Variants in FGGY observed in about 807,000 individuals in gnomAD.
FGGY encodes FGGY carbohydrate kinase domain-containing protein.
FGGY carries 72 observed loss-of-function variants against 71.3 expected under a neutral mutation model. The observed-to-expected ratio is 1.01, with a 90% CI of 0.84 to 1.23. FGGY has a LOEUF of 1.23. Ranked by LOEUF, FGGY falls within the 50% of genes most tolerant of loss-of-function variation. The pLI, the probability that FGGY is intolerant of heterozygous loss-of-function variation, is 0.00. For synonymous variants in FGGY, 251 were observed against 250.3 expected, an observed-to-expected ratio of 1.00 and a Z score of -0.02; for missense variants, 668 against 682.3, an observed-to-expected ratio of 0.98 and a Z score of 0.23.
intron 5 of FGGY, among the ~76,000 whole-genome samples, chr1:59,387,833 A>C (rs1328859580): frequency 1.3e-5 from 2 of 152,172 alleles, no homozygotes; most frequent in Non-Finnish European, 2.9e-5. Flanking sequence ...CAATACTAAC[A>C]ACATTTTCCT....
At chr1:59,304,557 G>A (rs930688558) in intron 1 of FGGY, among the ~76,000 whole-genome samples, 11 of 150,088 alleles carry the variant, frequency 7.3e-5, no homozygotes, top group African/African-American at 2.7e-4. Flanking sequence ...GGAGTTTTTT[G>A]TGGTTCCATA....
Position 59,379,275 on chromosome 1 carries a change from A to C in FGGY, c.554+438A>C, listed in dbSNP as rs74087405. On this transcript the variant is annotated intron_variant, in intron 5 of 15. Coordinates refer to ENST00000303721, the MANE Select transcript of FGGY (RefSeq NM_018291.5). ...TTCATTATTGTTGCAAACATCATAG[A>C]GTATACTTTCACAAATCTAGATAGT... 9.7e-3 allele frequency among the ~76,000 whole-genome samples: 1,483 copies of C among 152,148 alleles called. 24 individuals carry two copies. The highest frequency in any genetic ancestry group is 0.033 in the African/African-American group (1,380 of 41,512).
intron 2 of FGGY, among the ~76,000 whole-genome samples, chr1:59,326,235 A>G (rs914083972): frequency 6.6e-6 from 1 of 152,222 alleles, no homozygotes; most frequent in African/African-American, 2.4e-5. Flanking sequence ...AGACGTATAC[A>G]AGAAGTCTGC....
chr1:59,698,758 C>T lies in FGGY; in HGVS notation c.1512+24625C>T, dbSNP rs113237838. The T allele has an allele frequency of 4.6e-5, 45 of 985,358 alleles. 1 individual carries two copies. In the African/African-American group the frequency reaches 7.1e-4, roughly 16 times the overall value. The allele number at this position is 985,358 out of a possible 1,614,324, so 61.0% of individuals were successfully genotyped here. On this transcript the variant is annotated intron_variant, in intron 14 of 15. Transcript: ENST00000303721. ...GTTCGTTTTCCATTTCATCTTTCTG[C>T]TTAAAGAGAAAGCCCTTTAAAAGCG...
In FGGY at chr1:59,340,050, A is replaced by G. The variant is rs2050349902; in HGVS notation, c.294A>G (p.Pro98=). The part of the protein sequence containing the change: ...SLVVLDKQFH[P]LPVNQEGDSH... ...TTGTTTTGGATAAGCAGTTTCACCC[A>G]TTACCAGTCAACCAGGAAGGTAAGA... The change falls in exon 3 of 16, where the codon CCA becomes CCG. Residue 98 remains proline (P), a synonymous_variant. Coordinates refer to ENST00000303721, the MANE Select transcript of FGGY (RefSeq NM_018291.5). The G allele has an allele frequency of 6.2e-7, 1 of 1,612,188 alleles. No homozygotes were observed. The highest frequency in any genetic ancestry group is 2.2e-5 in the East Asian group (1 of 44,856).
intron 12 of FGGY, among the ~76,000 whole-genome samples, chr1:59,662,319 CAAAA>C (rs372754171): frequency 9.9e-6 from 1 of 101,110 alleles, no homozygotes. Flanking sequence ...GACTCCATCT[CAAAA>C]AAAAAAAAAA....
chr1:59,377,944 C>T (rs746549090), intron 4 of FGGY, among the ~76,000 whole-genome samples: 1 of 152,154 alleles, frequency 6.6e-6, no homozygotes, highest in African/African-American at 2.4e-5. Flanking sequence ...TTGACTTAGA[C>T]TGGAAGTTCT....
chr1:59,358,802 C>T (rs565035027), intron 4 of FGGY, among the ~76,000 whole-genome samples: 6 of 152,196 alleles, frequency 3.9e-5, no homozygotes, highest in Non-Finnish European at 8.8e-5. Context: ...TGGCCAACAC[C>T]TGTACTAGAC....
At chr1:59,332,526 A>G (rs142343939) in intron 2 of FGGY, among the ~76,000 whole-genome samples, 90 of 152,300 alleles carry the variant, frequency 5.9e-4, no homozygotes, top group African/African-American at 2.2e-3. Context: ...GTGGATGAGC[A>G]TGATCATAAG....
intron 6 of FGGY, among the ~76,000 whole-genome samples, chr1:59,462,452 A>G (rs2092311668): frequency 6.6e-6 from 1 of 152,178 alleles, no homozygotes; most frequent in South Asian, 2.1e-4. Context: ...GCCAAAATTG[A>G]CAAATGGGAT....
intron 8 of FGGY, among the ~76,000 whole-genome samples, chr1:59,559,185 TAAG>T: frequency 6.6e-6 from 1 of 152,350 alleles, no homozygotes; most frequent in Non-Finnish European, 1.5e-5. Context: ...AAGACAGGCA[TAAG>T]AAATTATTAA....
At chr1:59,442,324 T>G (rs2070121885) in intron 5 of FGGY, among the ~76,000 whole-genome samples, 1 of 152,244 alleles carries the variant, frequency 6.6e-6, no homozygotes, top group African/African-American at 2.4e-5. Flanking sequence ...TGTATCCTCC[T>G]TCTGAAGAGC....
At chr1:59,676,948 CTGTTT>C (rs2097441689) in intron 14 of FGGY, among the ~76,000 whole-genome samples, 1 of 152,058 alleles carries the variant, frequency 6.6e-6, no homozygotes, top group African/African-American at 2.4e-5. Context: ...TTTTATTTGT[CTGTTT>C]TATGTATTTT....
At chr1:59,752,382 T>A (rs1289394592) in intron 14 of FGGY, among the ~76,000 whole-genome samples, 5 of 152,220 alleles carry the variant, frequency 3.3e-5, no homozygotes, top group Non-Finnish European at 7.3e-5. Flanking sequence ...CACACTAAGT[T>A]CTGCTATATT....
rs1228981330 is a variant in FGGY, at chr1:59,371,101, CACAG to C, written c.466-7645_466-7642del. Among the ~76,000 whole-genome samples, 5 of 152,226 alleles carry C rather than the reference CACAG, an allele frequency of 3.3e-5. No individual in the cohort carries two copies. In the South Asian group the frequency reaches 8.3e-4, roughly 25 times the overall value. On this transcript the variant is annotated intron_variant, in intron 4 of 15. Coordinates refer to ENST00000303721, the MANE Select transcript of FGGY (RefSeq NM_018291.5). ...TGGACTAAGTGCTCCAATTAAAAGA[CACAG>C]ACTGGCAAGTTGGATAAAGAGTCAA...
intron 6 of FGGY, among the ~76,000 whole-genome samples, chr1:59,484,575 G>A (rs769353954): frequency 7.2e-5 from 11 of 152,218 alleles, no homozygotes; most frequent in Non-Finnish European, 1.0e-4. Flanking sequence ...ATATATCCTT[G>A]TGATTGGAAA....
intron 4 of FGGY, among the ~76,000 whole-genome samples, chr1:59,372,325 A>G (rs1390421059): frequency 3.3e-5 from 5 of 152,302 alleles, no homozygotes; most frequent in South Asian, 2.1e-4. Context: ...TGGATAAATT[A>G]CTTGACACAT....
rs566873600 is a variant in FGGY at position 59,652,825 on chromosome 1, C to T, written c.1222-7394C>T. On this transcript the variant is annotated intron_variant, in intron 11 of 15. Transcript: ENST00000303721. ...CTGCGTTCCTTTGGAGGAGGAGAGA[C>T]GCTCTGCGTTTTAGATTTTCCAGTT... 9.7e-4 allele frequency among the ~76,000 whole-genome samples: 148 copies of T among 152,280 alleles called. 1 individual carries two copies. The highest frequency in any genetic ancestry group is 2.7e-3 in the African/African-American group (113 of 41,554).
chr1:59,518,900 C>T (rs572985506), intron 7 of FGGY, among the ~76,000 whole-genome samples: 1 of 152,294 alleles, frequency 6.6e-6, no homozygotes, highest in South Asian at 2.1e-4. Context: ...CAAAACACAT[C>T]TATGTTCATT....
Sources: allele counts gnomAD v4.1 joint callset (sites outside exome capture counted in the v4.1 genomes callset), GRCh38; gene constraint gnomAD v4.1.1; transcripts MANE v1.5; gene names NCBI Gene and HGNC (gene_info 2026-07-23, HGNC 2026-07-21).